EPHA3: variants seen among roughly 807,000 people sequenced by gnomAD.
The protein encoded by EPHA3 is EPH receptor A3.
EPHA3 carries 42 observed loss-of-function variants against 107.1 expected under a neutral mutation model. That is an observed-to-expected ratio of 0.39 (90% confidence interval 0.31 to 0.51). EPHA3 has a LOEUF of 0.51. Among genes scored for constraint, EPHA3 ranks in the 20% least tolerant of loss-of-function variants. The pLI is 0.78. For synonymous variants in EPHA3, 461 were observed against 424.8 expected (o/e 1.09, Z -1.05); for missense variants, 1,183 against 1,211.2 (o/e 0.98, Z 0.35).
At chr3:89,281,004 A>ATTTATTTATTTAT (rs71105126) in intron 3 of EPHA3, among the ~76,000 whole-genome samples, 2 of 147,280 alleles carry the variant, frequency 1.4e-5, no homozygotes, top group Non-Finnish European at 3.0e-5. Flanking sequence ...CAAGATTTTT[A>ATTTATTTATTTAT]TTATTTATTT....
rs371285524 is a variant in EPHA3, at chr3:89,215,559, T to C, written c.814+5039T>C. On this transcript the variant is annotated intron_variant, in intron 3 of 16. Coordinates refer to ENST00000336596, the MANE Select transcript of EPHA3 (RefSeq NM_005233.6). ...TAATTGCAAACATGTTTAGGAGAAA[T>C]ATGTCTGTGGTTAAATTTAGGGAGT... Among the ~76,000 whole-genome samples, 4 of 151,942 alleles carry C rather than the reference T, an allele frequency of 2.6e-5. No homozygotes were observed. In the South Asian group the frequency reaches 6.2e-4, roughly 24 times the overall value.
At chr3:89,383,551 A>G (rs1708551374) in intron 5 of EPHA3, among the ~76,000 whole-genome samples, 1 of 151,850 alleles carries the variant, frequency 6.6e-6, no homozygotes, top group Non-Finnish European at 1.5e-5. Flanking sequence ...ACCCTCACTC[A>G]GAACAGATTT....
chr3:89,295,216 T>C (rs1706317419), intron 3 of EPHA3, among the ~76,000 whole-genome samples: 2 of 152,176 alleles, frequency 1.3e-5, no homozygotes. Flanking sequence ...TGTGCAATAG[T>C]GGTATGTCTA....
chr3:89,189,428 A>C (rs1705649450), intron 2 of EPHA3, among the ~76,000 whole-genome samples: 1 of 152,060 alleles, frequency 6.6e-6, no homozygotes, highest in Non-Finnish European at 1.5e-5. Context: ...CCCCATCTCT[A>C]CTAAAAATAC....
At chr3:89,216,170 G>A (rs952948870) in intron 3 of EPHA3, among the ~76,000 whole-genome samples, 6 of 151,908 alleles carry the variant, frequency 3.9e-5, no homozygotes, top group African/African-American at 1.2e-4. Context: ...CTATGGTAAT[G>A]TATGGGTTAA....
rs532378760 is a variant in EPHA3 at position 89,261,512 on chromosome 3, A to G, written c.814+50992A>G. Among the ~76,000 whole-genome samples, 5 of 152,156 alleles carry G rather than the reference A, an allele frequency of 3.3e-5. No individual in the cohort carries two copies. The East Asian group carries it at 7.8e-4, about 24-fold the overall frequency. On this transcript the variant is annotated intron_variant, in intron 3 of 16. Coordinates refer to ENST00000336596, the MANE Select transcript of EPHA3 (RefSeq NM_005233.6). ...AGTTGTGTGCATTGTCTCTTTTCCAATGGCATGCATGCTCTATAAGAGCAA... is the reference window on the plus strand; with the variant it reads ...AGTTGTGTGCATTGTCTCTTTTCCAGTGGCATGCATGCTCTATAAGAGCAA...
At chr3:89,268,384 T>G (rs946330478) in intron 3 of EPHA3, among the ~76,000 whole-genome samples, 1 of 152,132 alleles carries the variant, frequency 6.6e-6, no homozygotes, top group Admixed American at 6.6e-5. Context: ...CTAATCTTCA[T>G]TGCTTAGAAA....
intron 3 of EPHA3, among the ~76,000 whole-genome samples, chr3:89,321,031 A>C (rs1159798749): frequency 6.6e-6 from 1 of 152,004 alleles, no homozygotes; most frequent in African/African-American, 2.4e-5. Flanking sequence ...TCTCTATAAC[A>C]AAGTTCACAC....
At chr3:89,168,831 T>C (rs1705139584) in intron 2 of EPHA3, among the ~76,000 whole-genome samples, 1 of 152,120 alleles carries the variant, frequency 6.6e-6, no homozygotes. Context: ...GATTAAAATA[T>C]GCAAATGTAT....
At chr3:89,423,254 T>C (rs527290085) in intron 11 of EPHA3, among the ~76,000 whole-genome samples, 1 of 151,488 alleles carries the variant, frequency 6.6e-6, no homozygotes, top group African/African-American at 2.4e-5. Flanking sequence ...AACGTTAAGA[T>C]GATTTTCATA....
At chr3:89,340,262 T>C (rs1707487868) in intron 3 of EPHA3, among the ~76,000 whole-genome samples, 1 of 152,134 alleles carries the variant, frequency 6.6e-6, no homozygotes, top group Non-Finnish European at 1.5e-5. Flanking sequence ...AGTTCATAAG[T>C]GTATTAGTTT....
chr3:89,341,008 A>T lies in EPHA3; in HGVS notation c.907A>T (p.Asn303Tyr). 1 of 1,614,184 alleles carries T rather than the reference A, an allele frequency of 6.2e-7. No homozygotes were observed. The highest frequency in any genetic ancestry group is 8.5e-7 in the Non-Finnish European group (1 of 1,180,016). The change falls in exon 4 of 17, where the codon AAC becomes TAC. Residue 303 changes from asparagine to tyrosine, a missense_variant. Asn to Tyr is a moderately radical substitution (Grantham distance 143). Coordinates refer to ENST00000336596, the MANE Select transcript of EPHA3 (RefSeq NM_005233.6). ...HSSTQEDGSM[N>Y]CRCENNYFRA... is the part of the protein sequence containing the mutation. Reference sequence around the variant, plus strand: ...TTCTACTCAGGAAGATGGTTCAATGAACTGCAGGTGTGAGAATAATTACTT... The same window carrying T: ...TTCTACTCAGGAAGATGGTTCAATGTACTGCAGGTGTGAGAATAATTACTT...
rs192407242 is a variant in EPHA3, at chr3:89,343,020, A to G, written c.1306+930A>G. On this transcript the variant is annotated intron_variant, in intron 5 of 16. Transcript: ENST00000336596. ...TCTGAGCTGGTTGTCAAGATTGAGT[A>G]TAAACTCGGCTTCTGCTCTTCATTT... Among the ~76,000 whole-genome samples, 1,305 of 152,258 alleles carry G rather than the reference A, an allele frequency of 8.6e-3. 9 individuals carry two copies. Among genetic ancestry groups the G allele is most frequent in the Non-Finnish European group, 0.012 (809 of 68,020 alleles).
intron 6 of EPHA3, among the ~76,000 whole-genome samples, chr3:89,396,372 C>T (rs1236297379): frequency 2.0e-5 from 3 of 152,004 alleles, no homozygotes; most frequent in African/African-American, 4.8e-5. Context: ...CAAATAGCAA[C>T]ATTGTGCTAG....
chr3:89,452,943 G>C (rs1345590435), intron 15 of EPHA3, among the ~76,000 whole-genome samples: 3 of 151,018 alleles, frequency 2.0e-5, no homozygotes, highest in Non-Finnish European at 4.4e-5. Flanking sequence ...CAGTATATAA[G>C]AATCATAGAT....
At chr3:89,236,883 G>A (rs375750919) in intron 3 of EPHA3, among the ~76,000 whole-genome samples, 1 of 152,148 alleles carries the variant, frequency 6.6e-6, no homozygotes, top group Admixed American at 6.5e-5. Context: ...GGGAGACAGG[G>A]ATGAAGTGAG....
At chr3:89,250,957 C>G (rs1258962857) in intron 3 of EPHA3, among the ~76,000 whole-genome samples, 1 of 152,124 alleles carries the variant, frequency 6.6e-6, no homozygotes. Flanking sequence ...CAGCCCTTCT[C>G]AAGAGGCTGT....
intron 5 of EPHA3, among the ~76,000 whole-genome samples, chr3:89,359,780 T>TACATATATATACATATATAC (rs1217532120): frequency 5.6e-5 from 8 of 142,970 alleles, no homozygotes; most frequent in Middle Eastern, 3.8e-3. Context: ...CACATATATA[T>TACATATATATACATATATAC]ACATATATAT....
rs548319011 is a variant in EPHA3, at chr3:89,388,035, A to AT, written c.1307-7797dup. Among the ~76,000 whole-genome samples, 11 of 152,042 alleles carry AT rather than the reference A, an allele frequency of 7.2e-5. No individual in the cohort carries two copies. The South Asian group carries it at 1.4e-3, about 20-fold the overall frequency. On this transcript the variant is annotated intron_variant, in intron 5 of 16. Transcript: ENST00000336596. ...TTTTCAGTGTATTATGTCTTAGAAT[A>AT]TTTTTCTCCCAGCACAATTAATTCT... is the stretch of plus-strand genomic sequence containing the variant.
Sources: allele counts gnomAD v4.1 joint callset (sites outside exome capture counted in the v4.1 genomes callset), GRCh38; gene constraint gnomAD v4.1.1; transcripts MANE v1.5; gene names NCBI Gene and HGNC (gene_info 2026-07-23, HGNC 2026-07-21).